TECRL: variants seen among roughly 807,000 people sequenced by gnomAD.
The protein encoded by TECRL is trans-2,3-enoyl-CoA reductase-like.
A neutral mutation model predicts 52.8 loss-of-function variants in TECRL; 63 were observed. The ratio of observed to expected loss-of-function variants is 1.19; its 90% CI spans 0.97 to 1.47. The LOEUF (loss-of-function observed/expected upper bound fraction) is 1.47, where lower values mean the gene tolerates loss of function less well. Ranked by LOEUF, TECRL falls within the 40% of genes most tolerant of loss-of-function variation. TECRL has a pLI of 0.00. For synonymous variants in TECRL, 164 were observed against 141.9 expected (o/e 1.16, Z -1.10); for missense variants, 482 against 429.6 (o/e 1.12, Z -1.08).
chr4:64,302,390 G>C (rs533363516), intron 7 of TECRL, among the ~76,000 whole-genome samples: 2 of 151,210 alleles, frequency 1.3e-5, no homozygotes, highest in Non-Finnish European at 3.0e-5. Flanking sequence ...TTAGCATAGA[G>C]AGCAAAGAAG....
chr4:64,387,386 A>G (rs1340874890), intron 1 of TECRL, among the ~76,000 whole-genome samples: 1 of 152,122 alleles, frequency 6.6e-6, no homozygotes, highest in Admixed American at 6.6e-5. Flanking sequence ...ATGCAGATTT[A>G]TGTGTGGACA....
In TECRL at chr4:64,345,425, T is replaced by A. The variant is rs1577908953; in HGVS notation, c.287-16869A>T. On this transcript the variant is annotated intron_variant, in intron 2 of 11. Coordinates refer to ENST00000381210, the MANE Select transcript of TECRL (RefSeq NM_001010874.5). Reference sequence around the variant, plus strand: ...GGGACATGGATGAAGCTGGAAACCATCATTCTCAGCAAACTATCACAACGG... The same window carrying A: ...GGGACATGGATGAAGCTGGAAACCAACATTCTCAGCAAACTATCACAACGG... Among the ~76,000 whole-genome samples the A allele has an allele frequency of 2.0e-5, 3 of 151,364 alleles. No individual in the cohort carries two copies. In the East Asian group the frequency reaches 5.9e-4, roughly 30 times the overall value.
intron 2 of TECRL, among the ~76,000 whole-genome samples, chr4:64,353,063 G>T (rs1452722204): frequency 2.0e-5 from 3 of 152,048 alleles, no homozygotes. Flanking sequence ...TACTGGACTA[G>T]TTGTATTTTT....
At chr4:64,381,974 T>C (rs2109709199) in intron 1 of TECRL, among the ~76,000 whole-genome samples, 1 of 151,990 alleles carries the variant, frequency 6.6e-6, no homozygotes, top group Admixed American at 6.6e-5. Context: ...AGAATTCCTT[T>C]CTTTTAGAAT....
At chr4:64,301,803 T>G (rs899805025) in intron 7 of TECRL, among the ~76,000 whole-genome samples, 2 of 151,132 alleles carry the variant, frequency 1.3e-5, no homozygotes, top group Non-Finnish European at 3.0e-5. Context: ...TATTTTTAAA[T>G]GAAAATGAAT....
chr4:64,318,102 G>T (rs1717631364), intron 4 of TECRL, among the ~76,000 whole-genome samples: 1 of 151,988 alleles, frequency 6.6e-6, no homozygotes, highest in Non-Finnish European at 1.5e-5. Flanking sequence ...TTTGAAAGAA[G>T]ATAAAAATCA....
At chr4:64,394,149 C>G (rs2348507) in intron 1 of TECRL, among the ~76,000 whole-genome samples, 146,794 of 152,250 alleles carry the variant, frequency 0.96, 70,953 homozygotes, top group East Asian at 1. Flanking sequence ...CAACTATTTT[C>G]TTATGTGAAT....
At chr4:64,290,783 T>C (rs1577809400) in intron 8 of TECRL, among the ~76,000 whole-genome samples, 1 of 152,214 alleles carries the variant, frequency 6.6e-6, no homozygotes, top group East Asian at 1.9e-4. Context: ...CTAGAACTGT[T>C]AGGTAAAAAT....
intron 9 of TECRL, 130 bp from the exon 10 acceptor site, chr4:64,281,689 C>T: frequency 3.8e-6 from 2 of 526,086 alleles, no homozygotes; most frequent in Non-Finnish European, 6.8e-6. Flanking sequence ...TTTATAGTAA[C>T]CTATTTTGCA....
chr4:64,376,497 T>C (rs948512424), intron 1 of TECRL, among the ~76,000 whole-genome samples: 1 of 151,980 alleles, frequency 6.6e-6, no homozygotes. Context: ...GCATATATTT[T>C]AATTTTGGTT....
chr4:64,403,105 T>A (rs542227411), intron 1 of TECRL, among the ~76,000 whole-genome samples: 2 of 152,226 alleles, frequency 1.3e-5, no homozygotes, highest in African/African-American at 4.8e-5. Flanking sequence ...TTCTCCTTGT[T>A]TTCCCTTATC....
At chr4:64,316,694 G>A (rs1448539322) in intron 4 of TECRL, among the ~76,000 whole-genome samples, 1 of 151,972 alleles carries the variant, frequency 6.6e-6, no homozygotes, top group Admixed American at 6.6e-5. Flanking sequence ...CAAGTACATC[G>A]CAAGAACTTA....
intron 2 of TECRL, among the ~76,000 whole-genome samples, chr4:64,361,419 G>C (rs114860523): frequency 4.5e-4 from 68 of 152,202 alleles, no homozygotes; most frequent in African/African-American, 1.6e-3. Flanking sequence ...ATGTGCAAGG[G>C]CCCACTTCTA....
intron 2 of TECRL, among the ~76,000 whole-genome samples, chr4:64,337,992 G>T (rs1719242395): frequency 6.6e-6 from 1 of 152,078 alleles, no homozygotes; most frequent in South Asian, 2.1e-4. Context: ...TAAGCCAAAA[G>T]AACAAAGCTG....
intron 2 of TECRL, among the ~76,000 whole-genome samples, chr4:64,350,669 G>T (rs1228878435): frequency 6.6e-6 from 1 of 152,014 alleles, no homozygotes; most frequent in Non-Finnish European, 1.5e-5. Context: ...ACTTGATAAA[G>T]ACTGATCTCC....
chr4:64,362,785 A>G (rs1384112703), intron 2 of TECRL, among the ~76,000 whole-genome samples: 1 of 152,134 alleles, frequency 6.6e-6, no homozygotes, highest in East Asian at 1.9e-4. Context: ...AAACAAGTGT[A>G]CAATCAAGTG....
At chr4:64,283,900 C>A (rs534593269) in intron 9 of TECRL, among the ~76,000 whole-genome samples, 3 of 152,094 alleles carry the variant, frequency 2.0e-5, no homozygotes, top group East Asian at 1.9e-4. Flanking sequence ...TGCAAGAATA[C>A]CCCCCTTGAA....
chr4:64,364,017 G>A (rs1721410435), intron 2 of TECRL, among the ~76,000 whole-genome samples: 1 of 151,844 alleles, frequency 6.6e-6, no homozygotes, highest in Admixed American at 6.6e-5. Flanking sequence ...TGGCCATGAA[G>A]CAATTCTCAA....
chr4:64,355,252 CTT>C (rs796656344), intron 2 of TECRL, among the ~76,000 whole-genome samples: 3 of 152,082 alleles, frequency 2.0e-5, no homozygotes, highest in African/African-American at 7.2e-5. Context: ...TGAGTGAAAA[CTT>C]AATGTGTTAA....
Sources: allele counts gnomAD v4.1 joint callset (sites outside exome capture counted in the v4.1 genomes callset), GRCh38; gene constraint gnomAD v4.1.1; transcripts MANE v1.5; gene names NCBI Gene and HGNC (gene_info 2026-07-23, HGNC 2026-07-21).